The following PRKN variants were observed in gnomAD, a reference collection of about 807,000 sequenced individuals.
PRKN encodes E3 ubiquitin-protein ligase parkin.
Under a neutral mutation model 59.5 loss-of-function variants are expected in PRKN, and 56 were observed. The observed-to-expected ratio is 0.94, with a 90% CI of 0.76 to 1.18. The LOEUF is 1.18. Among genes scored for constraint, PRKN ranks in the 50% most tolerant of loss-of-function variants. The probability of loss-of-function intolerance (pLI) is 0.00; values close to 1 mark genes in which losing one functional copy is unlikely to be tolerated. For synonymous variants in PRKN, 250 were observed against 222.1 expected, an observed-to-expected ratio of 1.13 and a Z score of -1.12; for missense variants, 657 against 596.4, an observed-to-expected ratio of 1.10 and a Z score of -1.06.
At chr6:162,053,955 AATATC>A in intron 5 of PRKN, 131 bp downstream of exon 5, 1 of 751,568 alleles carries the variant, frequency 1.3e-6, no homozygotes, top group Non-Finnish European at 2.4e-6. Flanking sequence ...AACCTATTTA[AATATC>A]ATAACACTTT....
chr6:162,491,727 C>T (rs1159873145), intron 1 of PRKN, among the ~76,000 whole-genome samples: 1 of 152,152 alleles, frequency 6.6e-6, no homozygotes, highest in African/African-American at 2.4e-5. Context: ...GTCACAGCTC[C>T]TTGGAAGGTC....
intron 2 of PRKN, among the ~76,000 whole-genome samples, chr6:162,393,351 G>C (rs1377845705): frequency 6.6e-6 from 1 of 151,466 alleles, no homozygotes; most frequent in African/African-American, 2.4e-5. Flanking sequence ...GTAGAGACGG[G>C]GTTTCACCAT....
At chr6:162,658,895 A>T (rs1778770863) in intron 1 of PRKN, among the ~76,000 whole-genome samples, 1 of 152,064 alleles carries the variant, frequency 6.6e-6, no homozygotes, top group South Asian at 2.1e-4. Context: ...CATGTATTTT[A>T]AAATGTTATG....
intron 7 of PRKN, among the ~76,000 whole-genome samples, chr6:161,723,697 G>A (rs941453127): frequency 3.9e-5 from 6 of 152,132 alleles, no homozygotes; most frequent in African/African-American, 1.4e-4. Flanking sequence ...TAGTCACCTT[G>A]GAAACTGAAT....
chr6:162,274,786 A>T (rs1036165934), intron 2 of PRKN, among the ~76,000 whole-genome samples: 1 of 152,108 alleles, frequency 6.6e-6, no homozygotes, highest in Non-Finnish European at 1.5e-5. Flanking sequence ...TATTATAGAA[A>T]ATTTTATATT....
intron 1 of PRKN, among the ~76,000 whole-genome samples, chr6:162,604,697 CTTT>C (rs35730217): frequency 5.2e-5 from 7 of 135,208 alleles, no homozygotes; most frequent in Non-Finnish European, 3.1e-5. Flanking sequence ...TTTCTCTCTC[CTTT>C]TTTTTTTTTT....
intron 1 of PRKN, among the ~76,000 whole-genome samples, chr6:162,476,841 G>A (rs189072509): frequency 8.0e-4 from 122 of 152,274 alleles, no homozygotes; most frequent in African/African-American, 2.8e-3. Flanking sequence ...TCTCCTCATC[G>A]TGTACATAAG....
intron 1 of PRKN, among the ~76,000 whole-genome samples, chr6:162,508,928 A>G: frequency 6.6e-6 from 1 of 152,310 alleles, no homozygotes; most frequent in African/African-American, 2.4e-5. Context: ...AAAGAGGCAG[A>G]GAAGACTTCA....
chr6:161,403,701 A>G (rs1303422463), intron 9 of PRKN, among the ~76,000 whole-genome samples: 1 of 152,088 alleles, frequency 6.6e-6, no homozygotes, highest in East Asian at 1.9e-4. Flanking sequence ...AGGGATTGCT[A>G]TGGTTTGAAT....
At chr6:161,375,392 C>T (rs1785653328) in intron 10 of PRKN, among the ~76,000 whole-genome samples, 1 of 152,204 alleles carries the variant, frequency 6.6e-6, no homozygotes, top group African/African-American at 2.4e-5. Context: ...TGTGGTGTCA[C>T]TGTGTGTGTA....
intron 2 of PRKN, among the ~76,000 whole-genome samples, chr6:162,331,942 T>TG (rs1436449395): frequency 6.6e-6 from 1 of 152,194 alleles, no homozygotes; most frequent in Non-Finnish European, 1.5e-5. Flanking sequence ...TGACTTTTAG[T>TG]GGGATGTATT....
intron 2 of PRKN, among the ~76,000 whole-genome samples, chr6:162,390,758 A>G (rs952165489): frequency 6.6e-6 from 1 of 152,068 alleles, no homozygotes; most frequent in Non-Finnish European, 1.5e-5. Flanking sequence ...AAGGTATATT[A>G]ACGGTCAGTT....
At chr6:162,667,866 A>G (rs971349715) in intron 1 of PRKN, among the ~76,000 whole-genome samples, 3 of 152,156 alleles carry the variant, frequency 2.0e-5, no homozygotes, top group African/African-American at 7.2e-5. Flanking sequence ...GGTTGTTATG[A>G]AGACTAAATT....
intron 2 of PRKN, among the ~76,000 whole-genome samples, chr6:162,375,764 CAA>C (rs1786033068): frequency 2.0e-5 from 3 of 151,156 alleles, no homozygotes; most frequent in South Asian, 4.3e-4. Flanking sequence ...CACACACACA[CAA>C]ACACACACCC....
rs1782258254 is a variant in PRKN at position 162,151,236 on chromosome 6, T to C, written c.534+49895A>G. Among the ~76,000 whole-genome samples the C allele has an allele frequency of 2.6e-5, 4 of 152,224 alleles. No individual in the cohort carries two copies. The South Asian group carries it at 6.2e-4, about 24-fold the overall frequency. ...TGGGTCAGAGGGTGTTCCCACTGCATGGATGGGCAAGCTGGCTGGCCGAGA... is the reference window on the plus strand; with the variant it reads ...TGGGTCAGAGGGTGTTCCCACTGCACGGATGGGCAAGCTGGCTGGCCGAGA... On this transcript the variant is annotated intron_variant, in intron 4 of 11. Coordinates refer to ENST00000366898, the MANE Select transcript of PRKN (RefSeq NM_004562.3).
At chr6:161,924,316 A>G (rs1045252170) in intron 6 of PRKN, among the ~76,000 whole-genome samples, 12 of 152,130 alleles carry the variant, frequency 7.9e-5, no homozygotes, top group Admixed American at 2.6e-4. Flanking sequence ...TATGAATCCA[A>G]TGGCCCAGAC....
chr6:162,086,759 T>C (rs1779262566), intron 4 of PRKN, among the ~76,000 whole-genome samples: 1 of 152,186 alleles, frequency 6.6e-6, no homozygotes, highest in African/African-American at 2.4e-5. Flanking sequence ...TTTATCTCCA[T>C]CTTAACTACA....
intron 4 of PRKN, among the ~76,000 whole-genome samples, chr6:162,093,422 A>G (rs1397087009): frequency 6.6e-6 from 1 of 151,980 alleles, no homozygotes; most frequent in Non-Finnish European, 1.5e-5. Flanking sequence ...CAATTTGCAG[A>G]TCTCCGTGTA....
chr6:162,270,944 T>C (rs969803388), intron 2 of PRKN, among the ~76,000 whole-genome samples: 1 of 151,722 alleles, frequency 6.6e-6, no homozygotes. Flanking sequence ...CAGACTCAAG[T>C]GATCCTCTTA....
Sources: allele counts gnomAD v4.1 joint callset (sites outside exome capture counted in the v4.1 genomes callset), GRCh38; gene constraint gnomAD v4.1.1; transcripts MANE v1.5; gene names NCBI Gene and HGNC (gene_info 2026-07-23, HGNC 2026-07-21).